CSMD3: variants seen among roughly 807,000 people sequenced by gnomAD.
The protein encoded by CSMD3 is CUB and Sushi multiple domains 3.
A neutral mutation model predicts 435.2 loss-of-function variants in CSMD3; 177 were observed. The observed-to-expected ratio is 0.41, with a 90% CI of 0.36 to 0.46. The LOEUF (loss-of-function observed/expected upper bound fraction) is 0.46. CSMD3 is among the 20% of genes least tolerant of loss of function. The pLI is 0.34. For synonymous variants in CSMD3, 1,656 were observed against 1,520.5 expected, an observed-to-expected ratio of 1.09 and a Z score of -2.07; for missense variants, 4,265 against 4,504.6, an observed-to-expected ratio of 0.95 and a Z score of 1.52.
At chr8:112,950,843 C>T (rs1223827695) in intron 8 of CSMD3, among the ~76,000 whole-genome samples, 1 of 151,888 alleles carries the variant, frequency 6.6e-6, no homozygotes, top group Non-Finnish European at 1.5e-5. Context: ...TCATTAACTA[C>T]AATTCAAAAC....
chr8:112,996,399 T>TG (rs1207752346), intron 6 of CSMD3, among the ~76,000 whole-genome samples: 12 of 151,714 alleles, frequency 7.9e-5, no homozygotes, highest in African/African-American at 2.9e-4. Context: ...ATTTAGCATC[T>TG]AATTTAATGA....
intron 8 of CSMD3, 33 bp downstream of exon 8, chr8:112,954,651 C>G (rs1193342787): frequency 7.3e-7 from 1 of 1,377,902 alleles, no homozygotes; most frequent in Non-Finnish European, 1.0e-6. Context: ...CACTCTTGCA[C>G]TAGAGAAAGT....
intron 3 of CSMD3, among the ~76,000 whole-genome samples, chr8:113,264,507 C>A (rs1178139969): frequency 1.3e-5 from 2 of 151,142 alleles, no homozygotes; most frequent in Middle Eastern, 3.2e-3. Flanking sequence ...GCCATCCCAT[C>A]TTTTTCACAT....
At chr8:113,012,319 A>T (rs984185851) in intron 6 of CSMD3, among the ~76,000 whole-genome samples, 3 of 151,912 alleles carry the variant, frequency 2.0e-5, no homozygotes, top group Non-Finnish European at 4.4e-5. Context: ...ATATATATTT[A>T]TTGAATATTT....
chr8:113,430,022 G>A (rs1348812628), intron 1 of CSMD3, among the ~76,000 whole-genome samples: 2 of 152,138 alleles, frequency 1.3e-5, no homozygotes, highest in East Asian at 3.8e-4. Flanking sequence ...CACAGGAGGA[G>A]AGGTAGCATT....
chr8:112,719,018 T>C (rs558517107), intron 13 of CSMD3, among the ~76,000 whole-genome samples: 1 of 152,188 alleles, frequency 6.6e-6, no homozygotes, highest in Non-Finnish European at 1.5e-5. Flanking sequence ...TCTGAATTTA[T>C]TGAAGACATT....
At chr8:113,229,341 C>T (rs530055768) in intron 3 of CSMD3, among the ~76,000 whole-genome samples, 25 of 151,648 alleles carry the variant, frequency 1.6e-4, no homozygotes, top group African/African-American at 5.8e-4. Flanking sequence ...TTAATGTTCA[C>T]ATATATTGTG....
At chr8:112,350,458 T>C (rs1297802261) in intron 40 of CSMD3, among the ~76,000 whole-genome samples, 1 of 152,078 alleles carries the variant, frequency 6.6e-6, no homozygotes, top group African/African-American at 2.4e-5. Flanking sequence ...ATGTAGTTAA[T>C]GATAAAATTT....
At chr8:112,423,082 C>T (rs1266812303) in intron 32 of CSMD3, among the ~76,000 whole-genome samples, 1 of 151,980 alleles carries the variant, frequency 6.6e-6, no homozygotes, top group Non-Finnish European at 1.5e-5. Flanking sequence ...TTTGCACTAG[C>T]AGACAAATGG....
At chr8:113,370,451 G>T (rs1418473786) in intron 1 of CSMD3, among the ~76,000 whole-genome samples, 1 of 150,860 alleles carries the variant, frequency 6.6e-6, no homozygotes, top group Non-Finnish European at 1.5e-5. Flanking sequence ...TAGGATCAAC[G>T]AATTGTTACT....
At chr8:113,365,082 A>ATT (rs1478034721) in intron 1 of CSMD3, among the ~76,000 whole-genome samples, 5 of 152,100 alleles carry the variant, frequency 3.3e-5, no homozygotes. Flanking sequence ...ATGTTGAACT[A>ATT]TAACAATGCC....
chr8:113,376,768 G>T (rs908846589), intron 1 of CSMD3: 2 of 1,613,856 alleles, frequency 1.2e-6, no homozygotes, highest in African/African-American at 2.7e-5. Context: ...AGCTGTACAG[G>T]TTTCCAGCAA....
At chr8:112,543,906 C>T (rs888762432) in intron 27 of CSMD3, among the ~76,000 whole-genome samples, 10 of 152,092 alleles carry the variant, frequency 6.6e-5, no homozygotes, top group African/African-American at 1.4e-4. Flanking sequence ...AAGAAGGATT[C>T]TGCAATAGTC....
chr8:112,874,132 G>T (rs1364647112), intron 10 of CSMD3, among the ~76,000 whole-genome samples: 1 of 152,074 alleles, frequency 6.6e-6, no homozygotes, highest in African/African-American at 2.4e-5. Context: ...TGGTTTCAAA[G>T]AACTTATTTA....
chr8:112,799,595 T>C (rs1357717691), intron 13 of CSMD3, among the ~76,000 whole-genome samples: 2 of 152,024 alleles, frequency 1.3e-5, no homozygotes, highest in Non-Finnish European at 2.9e-5. Context: ...ATCTATGACC[T>C]CACATGCTTG....
At chr8:112,503,723 A>T (rs1822216682) in intron 30 of CSMD3, 67 bp downstream of exon 30, 1 of 1,194,078 alleles carries the variant, frequency 8.4e-7, no homozygotes, top group Non-Finnish European at 1.2e-6. Flanking sequence ...GGCCATACCA[A>T]ATTATTCTCC....
intron 2 of CSMD3, among the ~76,000 whole-genome samples, chr8:113,291,951 C>T (rs2093689429): frequency 6.6e-6 from 1 of 151,768 alleles, no homozygotes; most frequent in Non-Finnish European, 1.5e-5. Flanking sequence ...AGAAGTTCTA[C>T]TTACACATCA....
chr8:113,080,542 T>C (rs1180302683), intron 5 of CSMD3, among the ~76,000 whole-genome samples: 1 of 152,168 alleles, frequency 6.6e-6, no homozygotes, highest in Non-Finnish European at 1.5e-5. Flanking sequence ...TAATGCAATA[T>C]GATGAGTACA....
chr8:113,358,817 A>G (rs1425915757), intron 1 of CSMD3, among the ~76,000 whole-genome samples: 1 of 152,154 alleles, frequency 6.6e-6, no homozygotes, highest in Non-Finnish European at 1.5e-5. Context: ...CAAAACTCAT[A>G]GAGGCAGTCA....
Sources: allele counts gnomAD v4.1 joint callset (sites outside exome capture counted in the v4.1 genomes callset), GRCh38; gene constraint gnomAD v4.1.1; transcripts MANE v1.5; gene names NCBI Gene and HGNC (gene_info 2026-07-23, HGNC 2026-07-21).